The following BAIAP2 variants were observed in gnomAD, a reference collection of about 807,000 sequenced individuals.
The protein encoded by BAIAP2 is BAR/IMD domain-containing adapter protein 2.
In BAIAP2, 18 loss-of-function variants were observed where a neutral mutation model predicts 63.0. The ratio of observed to expected loss-of-function variants is 0.29; its 90% CI spans 0.20 to 0.42. The LOEUF is 0.42. Among genes scored for constraint, BAIAP2 ranks in the 10% least tolerant of loss-of-function variants. The pLI is 1.00. For synonymous variants in BAIAP2, 386 were observed against 307.6 expected (o/e 1.25, Z -2.67); for missense variants, 610 against 734.3 (o/e 0.83, Z 1.96).
chr17:81,099,322 G>T (rs893872139), intron 6 of BAIAP2, among the ~76,000 whole-genome samples: 11 of 152,164 alleles, frequency 7.2e-5, no homozygotes, highest in Non-Finnish European at 1.5e-4. Context: ...AGCCGGAGCC[G>T]GGTGGGAGAG....
chr17:81,103,594 G>A lies in BAIAP2; in HGVS notation c.735G>A (p.Gln245=), dbSNP rs767161879. The part of the protein sequence containing the change: ...KIPERAVQLM[Q]QVASNGATLP... ...CGGAGCGCGCGGTGCAGCTCATGCAGCAGGTGGCCAGCAACGGCGCCACCC... is the reference window on the plus strand; with the variant it reads ...CGGAGCGCGCGGTGCAGCTCATGCAACAGGTGGCCAGCAACGGCGCCACCC... The change falls in exon 8 of 14, where the codon CAG becomes CAA. Residue 245 remains glutamine (Q), a synonymous_variant. Coordinates refer to ENST00000428708, the MANE Select transcript of BAIAP2 (RefSeq NM_001144888.2). The A allele has an allele frequency of 3.4e-5, 54 of 1,604,820 alleles. No homozygotes were observed. Among genetic ancestry groups the A allele is most frequent in the Non-Finnish European group, 2.4e-5 (28 of 1,179,330 alleles).
intron 3 of BAIAP2, among the ~76,000 whole-genome samples, chr17:81,079,526 T>C (rs4969378): frequency 0.93 from 140,781 of 152,036 alleles, 65,510 homozygotes; most frequent in East Asian, 1. Flanking sequence ...ATGCTCCTCC[T>C]CCTCCTCACT....
At chr17:81,110,092 G>A in intron 13 of BAIAP2, 1 of 985,338 alleles carries the variant, frequency 1.0e-6, no homozygotes, top group Non-Finnish European at 1.2e-6. Context: ...GGAATTGAGT[G>A]CAGGGCACAG....
chr17:81,080,504 C>T (rs2054420734), intron 3 of BAIAP2, among the ~76,000 whole-genome samples: 1 of 152,236 alleles, frequency 6.6e-6, no homozygotes, highest in African/African-American at 2.4e-5. Context: ...TTGAGTGCTG[C>T]AGCTGCACGG....
At chr17:81,079,728 C>T (rs2054277232) in intron 3 of BAIAP2, among the ~76,000 whole-genome samples, 1 of 152,236 alleles carries the variant, frequency 6.6e-6, no homozygotes, top group African/African-American at 2.4e-5. Flanking sequence ...TCTGTTCTGG[C>T]TCATGTGCTG....
chr17:81,039,002 G>A (rs1044271838), intron 1 of BAIAP2, among the ~76,000 whole-genome samples: 11 of 152,076 alleles, frequency 7.2e-5, no homozygotes, highest in African/African-American at 2.4e-4. Context: ...GTGTGCACAC[G>A]TGCATGCAGT....
intron 6 of BAIAP2, among the ~76,000 whole-genome samples, chr17:81,088,087 G>A (rs148535530): frequency 4.6e-5 from 7 of 152,204 alleles, no homozygotes; most frequent in African/African-American, 1.4e-4. Flanking sequence ...TCCTCCCACC[G>A]TGGAACGTTT....
At chr17:81,108,955 C>T (rs377118719) in intron 13 of BAIAP2, 2 of 1,547,590 alleles carry the variant, frequency 1.3e-6, no homozygotes, top group South Asian at 1.2e-5. Context: ...CCGTCCTGTG[C>T]TTTGTTTCAC....
chr17:81,111,320 C>G (rs2059903731), intron 13 of BAIAP2, among the ~76,000 whole-genome samples: 1 of 152,272 alleles, frequency 6.6e-6, no homozygotes, highest in Non-Finnish European at 1.5e-5. Context: ...CGGGCCTTTC[C>G]CGCCTGACTC....
At position 81,117,084 on chromosome 17, in the gene BAIAP2, AGGGAGACCTGCAGGGC is replaced by A. The variant is rs1240490422; in HGVS notation, c.*1247_*1262del. On this transcript the variant is annotated 3_prime_UTR_variant, in exon 14 of 14. Transcript: ENST00000428708. ...TACCAGGCCAACTCGGCCTGCAGGA[AGGGAGACCTGCAGGGC>A]GCTACCCCTGCGCCCCCACACACAG... is the stretch of plus-strand genomic sequence containing the variant. 1 of 152,298 alleles carries A rather than the reference AGGGAGACCTGCAGGGC, an allele frequency of 6.6e-6. No individual in the cohort carries two copies. Among genetic ancestry groups the A allele is most frequent in the African/African-American group, 2.4e-5 (1 of 41,456 alleles). 9.4% of individuals were successfully genotyped at this position (152,298 alleles called of 1,614,324 possible).
chr17:81,048,793 G>A (rs1469882680), intron 1 of BAIAP2, among the ~76,000 whole-genome samples: 2 of 152,156 alleles, frequency 1.3e-5, no homozygotes, highest in African/African-American at 2.4e-5. Context: ...TGGATTCCAT[G>A]CGACTCCAGG....
intron 6 of BAIAP2, among the ~76,000 whole-genome samples, chr17:81,094,554 G>A (rs953301890): frequency 2.0e-5 from 3 of 152,156 alleles, no homozygotes; most frequent in Non-Finnish European, 4.4e-5. Context: ...CAGAGGGTGC[G>A]GCTTACCCTC....
chr17:81,045,970 C>G (rs746625191), intron 1 of BAIAP2, among the ~76,000 whole-genome samples: 7 of 152,178 alleles, frequency 4.6e-5, no homozygotes, highest in African/African-American at 7.2e-5. Flanking sequence ...ACCCAGAGCC[C>G]TCTGCGGGGT....
Position 81,052,991 on chromosome 17 carries a change from GTAGAAT to G in BAIAP2, c.55-675_55-670del, listed in dbSNP as rs561028288. 1.9e-3 allele frequency among the ~76,000 whole-genome samples: 292 copies of G among 152,318 alleles called. 1 individual carries two copies. The highest frequency in any genetic ancestry group is 6.6e-3 in the African/African-American group (273 of 41,568). On this transcript the variant is annotated intron_variant, in intron 1 of 13. Coordinates refer to ENST00000428708, the MANE Select transcript of BAIAP2 (RefSeq NM_001144888.2). Reference sequence around the variant, plus strand: ...TTGACAGTCAGTGTATGTTATGCCGGTAGAATTCTCATTTGGCTGTTGTTTGTGTGT... The same window carrying G: ...TTGACAGTCAGTGTATGTTATGCCGGTCTCATTTGGCTGTTGTTTGTGTGT...
chr17:81,097,362 C>T (rs1475026525), intron 6 of BAIAP2, among the ~76,000 whole-genome samples: 1 of 152,224 alleles, frequency 6.6e-6, no homozygotes, highest in Non-Finnish European at 1.5e-5. Flanking sequence ...AGAGCCAGTG[C>T]CCGGTGGTAG....
chr17:81,079,276 C>CT (rs1940839974), intron 3 of BAIAP2, among the ~76,000 whole-genome samples: 1 of 152,200 alleles, frequency 6.6e-6, no homozygotes, highest in South Asian at 2.1e-4. Context: ...GGAGGCTGGG[C>CT]TCCCTGGTCA....
intron 13 of BAIAP2, among the ~76,000 whole-genome samples, chr17:81,114,647 A>G (rs1424188468): frequency 6.6e-6 from 1 of 152,216 alleles, no homozygotes; most frequent in African/African-American, 2.4e-5. Context: ...TTAAAAACTC[A>G]GTCTGTAGTG....
At chr17:81,112,027 G>A (rs1568200039) in intron 13 of BAIAP2, among the ~76,000 whole-genome samples, 1 of 152,250 alleles carries the variant, frequency 6.6e-6, no homozygotes, top group Non-Finnish European at 1.5e-5. Flanking sequence ...AATTCTGGAA[G>A]ATTAGGTAGA....
At chr17:81,047,364 G>A (rs185023747) in intron 1 of BAIAP2, among the ~76,000 whole-genome samples, 5 of 152,202 alleles carry the variant, frequency 3.3e-5, no homozygotes, top group African/African-American at 1.2e-4. Flanking sequence ...GCTGGGTGAG[G>A]ATTAGGGTGA....
Sources: allele counts gnomAD v4.1 joint callset (sites outside exome capture counted in the v4.1 genomes callset), GRCh38; gene constraint gnomAD v4.1.1; transcripts MANE v1.5; gene names NCBI Gene and HGNC (gene_info 2026-07-23, HGNC 2026-07-21).